RSRP1: variants seen among roughly 807,000 people sequenced by gnomAD.
RSRP1 encodes the protein arginine/serine-rich protein 1.
In RSRP1, 37 loss-of-function variants were observed where a neutral mutation model predicts 33.0. The observed-to-expected ratio is 1.12, with a 90% confidence interval of 0.86 to 1.48. The LOEUF is 1.48. Among genes scored for constraint, RSRP1 ranks in the 40% most tolerant of loss-of-function variants. RSRP1 has a pLI of 0.00. For missense variants in RSRP1, 402 were observed against 385.3 expected, an observed-to-expected ratio of 1.04 and a Z score of -0.36; for synonymous variants, 167 against 158.7, an observed-to-expected ratio of 1.05 and a Z score of -0.40.
intron 1 of RSRP1, chr1:25,253,670 T>C (rs1049460480): frequency 5.9e-5 from 9 of 152,266 alleles, no homozygotes; most frequent in African/African-American, 2.2e-4. Context: ...TATGCCCCAT[T>C]TTTTATTCAT....
rs555534279 is a variant in RSRP1 at position 25,302,555 on chromosome 1, C to G, written c.-67+35423G>C. ...AACTCAGGGAAGCCCAGAGGCTAAT[C>G]CTAGGTGAGAGCTGAGGGTGTCAGA... On this transcript the variant is annotated intron_variant, in intron 1 of 1. Transcript: ENST00000561867. Among the ~76,000 whole-genome samples, 3 of 129,784 alleles carry G rather than the reference C, an allele frequency of 2.3e-5. No homozygotes were observed. In the South Asian group the frequency reaches 7.1e-4, roughly 31 times the overall value. The allele number at this position is 129,784 out of a possible 152,430, so 85.1% of individuals were successfully genotyped here.
chr1:25,283,698 C>G (rs529202200), intron 1 of RSRP1, among the ~76,000 whole-genome samples: 1 of 134,012 alleles, frequency 7.5e-6, no homozygotes, highest in African/African-American at 2.6e-5. Context: ...ACAGCGTAGG[C>G]ACATGGTAAA....
Position 25,309,481 on chromosome 1 carries a change from C to A in RSRP1, c.-67+28497G>T, listed in dbSNP as rs1299055614. 2.3e-5 allele frequency among the ~76,000 whole-genome samples: 3 copies of A among 131,552 alleles called. 1 individual carries two copies. The East Asian group carries it at 5.9e-4, about 26-fold the overall frequency. The allele number at this position is 131,552 out of a possible 152,430, so 86.3% of individuals were successfully genotyped here. A position where few individuals can be genotyped will look rare whatever the true frequency, so the allele number is the denominator to read the frequency against. On this transcript the variant is annotated intron_variant, in intron 1 of 1. Transcript: ENST00000561867. ...ATTGTATCTCTTTTTACAGCTACCT[C>A]CCATTTCCCTTCTATTTCAAGCTAG...
intron 1 of RSRP1, among the ~76,000 whole-genome samples, chr1:25,296,627 T>G (rs146455583): frequency 0.017 from 2,218 of 131,392 alleles, 389 homozygotes; most frequent in African/African-American, 0.053. Flanking sequence ...GTTGAGGGCA[T>G]GACCTCGTGG....
chr1:25,315,108 A>C lies in RSRP1; in HGVS notation c.-67+22870T>G, dbSNP rs1248843041. Among the ~76,000 whole-genome samples the C allele has an allele frequency of 1.7e-4, 22 of 128,388 alleles. 4 individuals are homozygous for C. The highest frequency in any genetic ancestry group is 3.3e-4 in the Non-Finnish European group (18 of 54,446). The allele number at this position is 128,388 out of a possible 152,430, so 84.2% of individuals were successfully genotyped here. A position where few individuals can be genotyped will look rare whatever the true frequency, so the allele number is the denominator to read the frequency against. On this transcript the variant is annotated intron_variant, in intron 1 of 1. Transcript: ENST00000561867. ...AGTCTCAGCTACTCGGGAGGCTGAG[A>C]TCACGCCACTGCACTCCAGCCTGGT...
intron 1 of RSRP1, among the ~76,000 whole-genome samples, chr1:25,314,488 C>G (rs1644329893): frequency 1.5e-5 from 2 of 131,550 alleles, no homozygotes; most frequent in South Asian, 4.6e-4. Context: ...TGTGCGTTAC[C>G]TTTTTCCTTC....
At chr1:25,288,175 G>C (rs1332992692) in intron 1 of RSRP1, among the ~76,000 whole-genome samples, 1 of 130,780 alleles carries the variant, frequency 7.6e-6, no homozygotes, top group South Asian at 2.4e-4. Flanking sequence ...ACACCACCAC[G>C]CCTAGCTGAT....
intron 3 of RSRP1, chr1:25,244,210 A>T (rs974903701): frequency 3.1e-6 from 4 of 1,289,098 alleles, no homozygotes; most frequent in Admixed American, 2.3e-5. Flanking sequence ...CCTCTTCTGT[A>T]ATCTCTCAAA....
chr1:25,259,103 CT>C (rs764030653), intron 1 of RSRP1, among the ~76,000 whole-genome samples: 2 of 148,060 alleles, frequency 1.4e-5, no homozygotes, highest in African/African-American at 5.0e-5. Flanking sequence ...TTTTTTTTTT[CT>C]TTTTTTTGAG....
At chr1:25,259,107 T>A (rs976391386) in intron 1 of RSRP1, among the ~76,000 whole-genome samples, 2 of 152,194 alleles carry the variant, frequency 1.3e-5, no homozygotes, top group African/African-American at 4.8e-5. Context: ...TTTTTTCTTT[T>A]TTTTGAGATG....
intron 1 of RSRP1, among the ~76,000 whole-genome samples, chr1:25,313,498 C>T (rs1405989135): frequency 3.0e-5 from 4 of 131,944 alleles, no homozygotes; most frequent in African/African-American, 1.0e-4. Flanking sequence ...ACCCTTTTTC[C>T]ACTGGGATAT....
At position 25,276,213 on chromosome 1, in the gene RSRP1, T is replaced by G. The variant is rs111778444; in HGVS notation, c.-66-29184A>C. On this transcript the variant is annotated intron_variant, in intron 1 of 1. Coordinates refer to the RSRP1 transcript ENST00000561867. ...GTTGTTTTTGTTTTTGTTTTTTAAG[T>G]CTCCATCTGTTAGAGAGGCACATTG... Among the ~76,000 whole-genome samples the G allele has an allele frequency of 2.6e-4, 34 of 130,700 alleles. 5 individuals carry two copies. Among genetic ancestry groups the G allele is most frequent in the East Asian group, 1.2e-3 (6 of 5,090 alleles). The allele number at this position is 130,700 out of a possible 152,430, so 85.7% of individuals were successfully genotyped here. A position where few individuals can be genotyped will look rare whatever the true frequency, so the allele number is the denominator to read the frequency against.
At chr1:25,307,166 G>A (rs1325877880) in intron 1 of RSRP1, among the ~76,000 whole-genome samples, 1 of 132,268 alleles carries the variant, frequency 7.6e-6, no homozygotes, top group African/African-American at 2.6e-5. Flanking sequence ...CCCCTCACAG[G>A]ACTGTTGGGA....
intron 1 of RSRP1, among the ~76,000 whole-genome samples, chr1:25,256,906 G>A (rs970796240): frequency 3.9e-5 from 6 of 152,188 alleles, no homozygotes; most frequent in Non-Finnish European, 7.3e-5. Flanking sequence ...GGCGTGTCAA[G>A]TTACCTTCAC....
chr1:25,295,478 A>AG (rs1197976877), intron 1 of RSRP1, among the ~76,000 whole-genome samples: 1 of 101,828 alleles, frequency 9.8e-6, no homozygotes, highest in African/African-American at 3.4e-5. Flanking sequence ...AGGCAATTTA[A>AG]GGAAGTGAGC....
chr1:25,296,011 C>T (rs1642925961), intron 1 of RSRP1, among the ~76,000 whole-genome samples: 2 of 118,526 alleles, frequency 1.7e-5, no homozygotes, highest in South Asian at 2.6e-4. Context: ...TACAGGCACA[C>T]ACCACCACGC....
At chr1:25,309,952 TA>T (rs1435483157) in intron 1 of RSRP1, among the ~76,000 whole-genome samples, 1 of 132,798 alleles carries the variant, frequency 7.5e-6, no homozygotes, top group Non-Finnish European at 1.8e-5. Flanking sequence ...GGTTTGGGTT[TA>T]TCCTCTATTC....
At chr1:25,312,957 T>TAAAAAAAAAAAAAAAAAAA (rs1491188755) in intron 1 of RSRP1, among the ~76,000 whole-genome samples, 1 of 24,432 alleles carries the variant, frequency 4.1e-5, no homozygotes, top group Admixed American at 5.3e-4. Context: ...AAAAAAAAAC[T>TAAAAAAAAAAAAAAAAAAA]TTAGTGCTAT....
chr1:25,292,835 G>A (rs1642630490), intron 1 of RSRP1, among the ~76,000 whole-genome samples: 1 of 121,516 alleles, frequency 8.2e-6, no homozygotes, highest in Admixed American at 8.1e-5. Flanking sequence ...AAGAGAGATG[G>A]GAAGAAGTCT....
Sources: gnomAD v4.1 joint callset for allele counts (sites outside exome capture counted in the v4.1 genomes callset) on GRCh38, gnomAD v4.1.1 for gene constraint, MANE v1.5 for transcripts, NCBI Gene and HGNC (gene_info 2026-07-23, HGNC 2026-07-21) for gene names.